Variants in STK39 observed in about 807,000 individuals in gnomAD.
STK39 encodes the protein STE20/SPS1-related proline-alanine-rich protein kinase.
A neutral mutation model predicts 77.8 loss-of-function variants in STK39; 20 were observed. The ratio of observed to expected loss-of-function variants is 0.26; its 90% CI spans 0.18 to 0.37. STK39 has a LOEUF of 0.37. Among genes scored for constraint, STK39 ranks in the 10% least tolerant of loss-of-function variants. STK39 has a pLI of 1.00. For synonymous variants in STK39, 246 were observed against 234.1 expected (o/e 1.05, Z -0.47); for missense variants, 479 against 656.5 (o/e 0.73, Z 2.95).
rs200418212 is a variant in STK39, at chr2:167,955,197, T to C, written c.*299A>G. 29 of 214,786 alleles carry C rather than the reference T, an allele frequency of 1.4e-4. No individual in the cohort carries two copies. Among genetic ancestry groups the C allele is most frequent in the African/African-American group, 5.3e-4 (23 of 43,768 alleles). 13.3% of individuals were successfully genotyped at this position (214,786 alleles called of 1,614,324 possible). A position where few individuals can be genotyped will look rare whatever the true frequency, so the allele number is the denominator to read the frequency against. ...TCTTTTCACTTAAGGGATATCCAAA[T>C]TGATTGCTAAGAATATTAAATAGCT... On this transcript the variant is annotated 3_prime_UTR_variant, in exon 18 of 18. Transcript: ENST00000355999.
chr2:168,160,922 A>G (rs1251192417), intron 5 of STK39, among the ~76,000 whole-genome samples: 1 of 143,844 alleles, frequency 7.0e-6, no homozygotes, highest in African/African-American at 2.6e-5. Context: ...CACGATGAGG[A>G]GAGGCACCAG....
chr2:168,222,215 CTG>C (rs1157517815), intron 1 of STK39, among the ~76,000 whole-genome samples: 3 of 152,202 alleles, frequency 2.0e-5, no homozygotes, highest in Non-Finnish European at 4.4e-5. Context: ...CTATAATGAA[CTG>C]TGAGTCCACT....
chr2:168,179,971 G>A (rs979265287), intron 2 of STK39, among the ~76,000 whole-genome samples: 5 of 152,038 alleles, frequency 3.3e-5, no homozygotes, highest in African/African-American at 1.2e-4. Flanking sequence ...ACAAGTACAC[G>A]CAAGCCTTAC....
At chr2:168,119,413 ATGTT>A (rs961635397) in intron 10 of STK39, among the ~76,000 whole-genome samples, 1 of 152,200 alleles carries the variant, frequency 6.6e-6, no homozygotes, top group Non-Finnish European at 1.5e-5. Context: ...CAAAATTGAG[ATGTT>A]TGTTTCTGAC....
intron 10 of STK39, among the ~76,000 whole-genome samples, chr2:168,119,735 C>A (rs781394163): frequency 6.6e-6 from 1 of 152,214 alleles, no homozygotes; most frequent in East Asian, 1.9e-4. Flanking sequence ...ACAAAACTAA[C>A]ATCATTCCAT....
chr2:167,968,703 G>A (rs751404203), intron 16 of STK39, among the ~76,000 whole-genome samples: 1 of 152,202 alleles, frequency 6.6e-6, no homozygotes, highest in Non-Finnish European at 1.5e-5. Context: ...GATGCAGAAA[G>A]GCAGCATGAG....
At chr2:168,246,650 C>T (rs533232222) in intron 1 of STK39, among the ~76,000 whole-genome samples, 1 of 152,308 alleles carries the variant, frequency 6.6e-6, no homozygotes, top group South Asian at 2.1e-4. Flanking sequence ...TGGCGGCTGT[C>T]AGGAAGAGAG....
At chr2:168,001,728 T>A (rs1028541830) in intron 16 of STK39, among the ~76,000 whole-genome samples, 1 of 152,190 alleles carries the variant, frequency 6.6e-6, no homozygotes, top group Non-Finnish European at 1.5e-5. Flanking sequence ...GACTTCTCTT[T>A]TATTTTAACC....
intron 7 of STK39, 37 bp from the exon 8 acceptor site, chr2:168,138,258 A>T: frequency 6.3e-7 from 1 of 1,588,032 alleles, no homozygotes; most frequent in Non-Finnish European, 8.6e-7. Flanking sequence ...GAATCTCAGT[A>T]TAGCAATTGC....
intron 10 of STK39, among the ~76,000 whole-genome samples, chr2:168,111,295 T>C (rs936386038): frequency 2.6e-5 from 4 of 152,218 alleles, no homozygotes; most frequent in African/African-American, 7.2e-5. Flanking sequence ...TGTTCTTTTC[T>C]AATTCAAGTT....
At chr2:168,186,257 T>G (rs959996224) in intron 1 of STK39, among the ~76,000 whole-genome samples, 4 of 152,302 alleles carry the variant, frequency 2.6e-5, no homozygotes, top group East Asian at 1.9e-4. Flanking sequence ...ACTGAAGTGG[T>G]CAGCACATTG....
At chr2:167,996,721 A>T (rs1683850052) in intron 16 of STK39, among the ~76,000 whole-genome samples, 1 of 152,200 alleles carries the variant, frequency 6.6e-6, no homozygotes, top group Non-Finnish European at 1.5e-5. Flanking sequence ...AGTTTACTTG[A>T]GGTAGTGTAG....
chr2:168,068,512 G>A (rs76033407), intron 12 of STK39, among the ~76,000 whole-genome samples: 268 of 152,262 alleles, frequency 1.8e-3, no homozygotes, highest in Middle Eastern at 3.4e-3. Context: ...ACATGGCAGC[G>A]CTGGTTTCTG....
intron 14 of STK39, among the ~76,000 whole-genome samples, chr2:168,044,378 G>A (rs948409397): frequency 2.0e-5 from 3 of 152,288 alleles, no homozygotes; most frequent in East Asian, 1.9e-4. Context: ...AGGCCACTAC[G>A]ATAAGTTTGG....
chr2:168,140,145 A>G, intron 7 of STK39, 144 bp downstream of exon 7: 1 of 708,062 alleles, frequency 1.4e-6, no homozygotes, highest in Non-Finnish European at 2.4e-6. Flanking sequence ...CCACTGAGAA[A>G]ATCAGACAAT....
chr2:168,194,221 C>G (rs1199093286), intron 1 of STK39, among the ~76,000 whole-genome samples: 1 of 152,048 alleles, frequency 6.6e-6, no homozygotes, highest in East Asian at 1.9e-4. Flanking sequence ...CAAGACCAGC[C>G]TGGCCAATAC....
intron 16 of STK39, among the ~76,000 whole-genome samples, chr2:167,989,112 T>A (rs1574370733): frequency 6.6e-6 from 1 of 152,134 alleles, no homozygotes; most frequent in Admixed American, 6.5e-5. Flanking sequence ...AGGGATGAGG[T>A]GGGTGATCAA....
intron 16 of STK39, among the ~76,000 whole-genome samples, chr2:167,989,103 G>C (rs1683634943): frequency 6.6e-6 from 1 of 152,188 alleles, no homozygotes; most frequent in South Asian, 2.1e-4. Context: ...GGCCAGGGTA[G>C]GGATGAGGTG....
chr2:168,031,433 T>C (rs1684830514), intron 14 of STK39, among the ~76,000 whole-genome samples: 1 of 152,180 alleles, frequency 6.6e-6, no homozygotes, highest in Non-Finnish European at 1.5e-5. Flanking sequence ...AGAGTGGCCC[T>C]GAGAAGTGGC....
Sources: allele counts gnomAD v4.1 joint callset (sites outside exome capture counted in the v4.1 genomes callset), GRCh38; gene constraint gnomAD v4.1.1; transcripts MANE v1.5; gene names NCBI Gene and HGNC (gene_info 2026-07-23, HGNC 2026-07-21).